Variants in NDUFAF2 observed in about 807,000 individuals in gnomAD.
The protein encoded by NDUFAF2 is NADH dehydrogenase [ubiquinone] 1 alpha subcomplex assembly factor 2.
A neutral mutation model predicts 22.8 loss-of-function variants in NDUFAF2; 13 were observed. That is an observed-to-expected ratio of 0.57 (90% CI 0.37 to 0.91). The LOEUF (loss-of-function observed/expected upper bound fraction) is 0.91, where lower values mean the gene tolerates loss of function less well. NDUFAF2 is among the 40% of genes least tolerant of loss of function. The pLI, the probability that NDUFAF2 is intolerant of heterozygous loss-of-function variation, is 0.01. For synonymous variants in NDUFAF2, 53 were observed against 64.2 expected (o/e 0.83, Z 0.84); for missense variants, 162 against 195.2 (o/e 0.83, Z 1.01).
chr5:61,150,542 C>T (rs1253287168), intron 3 of NDUFAF2, among the ~76,000 whole-genome samples: 1 of 152,134 alleles, frequency 6.6e-6, no homozygotes, highest in Non-Finnish European at 1.5e-5. Flanking sequence ...GAAACAAGAA[C>T]AGATCTTTGC....
chr5:61,131,734 G>A (rs142981810), intron 3 of NDUFAF2, among the ~76,000 whole-genome samples: 126 of 152,060 alleles, frequency 8.3e-4, no homozygotes, highest in African/African-American at 2.7e-3. Context: ...AATAGTATTC[G>A]TAGTATATAT....
intron 2 of NDUFAF2, among the ~76,000 whole-genome samples, chr5:61,073,757 C>A (rs568536710): frequency 6.6e-6 from 1 of 152,214 alleles, no homozygotes; most frequent in African/African-American, 2.4e-5. Flanking sequence ...AATAAAAGAT[C>A]AAAGGGAGAC....
At chr5:60,966,102 G>A (rs1188449295) in intron 1 of NDUFAF2, among the ~76,000 whole-genome samples, 2 of 152,068 alleles carry the variant, frequency 1.3e-5, no homozygotes, top group Non-Finnish European at 2.9e-5. Context: ...GTTTTAATTT[G>A]CGTTTTCCTG....
At chr5:61,021,177 C>T (rs1319601781) in intron 1 of NDUFAF2, among the ~76,000 whole-genome samples, 1 of 152,116 alleles carries the variant, frequency 6.6e-6, no homozygotes, top group African/African-American at 2.4e-5. Flanking sequence ...TATTATCTTA[C>T]AGTTCTAGAG....
intron 1 of NDUFAF2, among the ~76,000 whole-genome samples, chr5:60,987,496 G>A (rs1348027697): frequency 6.7e-6 from 1 of 149,758 alleles, no homozygotes; most frequent in African/African-American, 2.4e-5. Context: ...AAGAGTTCAG[G>A]CCAATATCTT....
At chr5:61,054,202 A>G (rs965371028) in intron 1 of NDUFAF2, among the ~76,000 whole-genome samples, 2 of 152,044 alleles carry the variant, frequency 1.3e-5, no homozygotes, top group African/African-American at 4.8e-5. Flanking sequence ...CTATGTCTCT[A>G]GAAAAAACAA....
chr5:61,130,376 C>G (rs771967857), intron 3 of NDUFAF2, among the ~76,000 whole-genome samples: 1 of 152,108 alleles, frequency 6.6e-6, no homozygotes, highest in Admixed American at 6.6e-5. Context: ...GAAAAGGGAA[C>G]AGTAGATTTT....
intron 1 of NDUFAF2, among the ~76,000 whole-genome samples, chr5:60,999,351 TG>T (rs1293170087): frequency 6.6e-6 from 1 of 152,084 alleles, no homozygotes; most frequent in Non-Finnish European, 1.5e-5. Context: ...AAACAAAATA[TG>T]GTATATACAT....
chr5:61,045,694 T>C (rs1426544113), intron 1 of NDUFAF2, among the ~76,000 whole-genome samples: 1 of 50,646 alleles, frequency 2.0e-5, no homozygotes, highest in Non-Finnish European at 3.4e-5. Flanking sequence ...ACAACTTTAC[T>C]GAACTTGTTT....
At chr5:61,075,886 C>T (rs992150132) in intron 2 of NDUFAF2, among the ~76,000 whole-genome samples, 11 of 152,120 alleles carry the variant, frequency 7.2e-5, no homozygotes, top group African/African-American at 2.4e-4. Context: ...GTAGATTAAA[C>T]AATGTGCCCT....
chr5:61,054,178 G>A (rs1215517764), intron 1 of NDUFAF2, among the ~76,000 whole-genome samples: 1 of 152,040 alleles, frequency 6.6e-6, no homozygotes, highest in East Asian at 1.9e-4. Context: ...TCATTCCTGG[G>A]TGACAGAGTG....
At chr5:61,087,951 C>G (rs1338435225) in intron 2 of NDUFAF2, among the ~76,000 whole-genome samples, 2 of 152,046 alleles carry the variant, frequency 1.3e-5, no homozygotes, top group Non-Finnish European at 2.9e-5. Context: ...ATCAGGAGCC[C>G]AAGCACAGCC....
intron 1 of NDUFAF2, among the ~76,000 whole-genome samples, chr5:61,016,952 T>G (rs1751519865): frequency 6.6e-6 from 1 of 152,172 alleles, no homozygotes; most frequent in Admixed American, 6.5e-5. Flanking sequence ...TAGTCATCCT[T>G]AGTATTCTCA....
chr5:60,975,634 G>A (rs1483172288), intron 1 of NDUFAF2, among the ~76,000 whole-genome samples: 2 of 152,114 alleles, frequency 1.3e-5, no homozygotes, highest in African/African-American at 2.4e-5. Flanking sequence ...ACAGAACACT[G>A]GTGTCTTCTG....
chr5:61,055,199 G>A (rs1337172152), intron 1 of NDUFAF2, among the ~76,000 whole-genome samples: 2 of 152,108 alleles, frequency 1.3e-5, no homozygotes, highest in African/African-American at 4.8e-5. Flanking sequence ...TAATAATATG[G>A]CAAGTTTCCC....
chr5:60,995,860 G>A (rs912710218), intron 1 of NDUFAF2, among the ~76,000 whole-genome samples: 2 of 152,204 alleles, frequency 1.3e-5, no homozygotes, highest in Non-Finnish European at 2.9e-5. Context: ...TTGTGGCTGA[G>A]CTGGCACTCA....
chr5:60,976,565 G>C lies in NDUFAF2; in HGVS notation c.127+31183G>C, dbSNP rs553628057. Among the ~76,000 whole-genome samples the C allele has an allele frequency of 2.0e-5, 3 of 152,248 alleles. No homozygotes were observed. The South Asian group carries it at 6.2e-4, about 32-fold the overall frequency. On this transcript the variant is annotated intron_variant, in intron 1 of 3. Transcript: ENST00000296597. ...TTTGTCTCATTTCTTTTCTTGCAGT[G>C]CTTCTGCTGGCCTGTCTCTTAAGCA...
At chr5:61,014,042 T>C (rs969393167) in intron 1 of NDUFAF2, among the ~76,000 whole-genome samples, 2 of 152,188 alleles carry the variant, frequency 1.3e-5, no homozygotes, top group Admixed American at 6.5e-5. Context: ...AGAGTGTTTC[T>C]TGTATGCTCA....
At chr5:61,011,761 G>C (rs1751445320) in intron 1 of NDUFAF2, among the ~76,000 whole-genome samples, 1 of 152,056 alleles carries the variant, frequency 6.6e-6, no homozygotes, top group African/African-American at 2.4e-5. Context: ...TCCCTGGCAG[G>C]TTGTAGATGC....
Sources: gnomAD v4.1 joint callset for allele counts (sites outside exome capture counted in the v4.1 genomes callset) on GRCh38, gnomAD v4.1.1 for gene constraint, MANE v1.5 for transcripts, NCBI Gene and HGNC (gene_info 2026-07-23, HGNC 2026-07-21) for gene names.